The following CCDC192 variants were observed in gnomAD, a reference collection of about 807,000 sequenced individuals.
The protein encoded by CCDC192 is coiled-coil domain containing 192.
intron 5 of CCDC192, 128 bp from the exon 6 acceptor site, chr5:127,875,410 G>A (rs1752034726): frequency 2.6e-6 from 1 of 387,290 alleles, no homozygotes; most frequent in Admixed American, 4.5e-5. Context: ...ACTCAATCTA[G>A]ATAAACAGGG....
At chr5:127,883,915 G>A (rs951760052) in intron 6 of CCDC192, among the ~76,000 whole-genome samples, 3 of 152,136 alleles carry the variant, frequency 2.0e-5, no homozygotes, top group African/African-American at 7.2e-5. Context: ...CTGAACCGCG[G>A]GCTTTCTAGA....
Position 127,795,924 on chromosome 5 carries a change from G to C in CCDC192, c.223-1179G>C, listed in dbSNP as rs189149897. ...TTAAACACATGTTGGTGATCATGAG[G>C]AGCACCGCAGGTCTCCAAGGCCACC... is the stretch of plus-strand genomic sequence containing the variant. On this transcript the variant is annotated intron_variant, in intron 3 of 6. Transcript: ENST00000514853. Among the ~76,000 whole-genome samples, 5 of 152,266 alleles carry C rather than the reference G, an allele frequency of 3.3e-5. No individual in the cohort carries two copies. The East Asian group carries it at 7.7e-4, about 23-fold the overall frequency.
intron 3 of CCDC192, among the ~76,000 whole-genome samples, chr5:127,770,228 G>A (rs1561478525): frequency 6.6e-6 from 1 of 152,134 alleles, no homozygotes; most frequent in Non-Finnish European, 1.5e-5. Context: ...GACATTACAG[G>A]TGCAAGCCAC....
At chr5:127,902,438 A>T (rs1429203171) in intron 6 of CCDC192, among the ~76,000 whole-genome samples, 12 of 152,220 alleles carry the variant, frequency 7.9e-5, no homozygotes, top group Non-Finnish European at 1.3e-4. Flanking sequence ...GAACAAACAA[A>T]CAAAAAACCA....
At chr5:127,808,505 T>C (rs1421747) in intron 5 of CCDC192, among the ~76,000 whole-genome samples, 42,490 of 151,986 alleles carry the variant, frequency 0.28, 6,723 homozygotes, top group South Asian at 0.43. Flanking sequence ...TGGCTGCCCA[T>C]AGGTCTCCTG....
chr5:127,855,114 G>T (rs748862080), intron 5 of CCDC192, among the ~76,000 whole-genome samples: 5 of 152,138 alleles, frequency 3.3e-5, no homozygotes, highest in Non-Finnish European at 5.9e-5. Flanking sequence ...GGTGGTGGTG[G>T]TGGATGTTTG....
Position 127,748,026 on chromosome 5 carries a change from G to A in CCDC192, c.115-6242G>A, listed in dbSNP as rs1484705561. Among the ~76,000 whole-genome samples, 17 of 145,592 alleles carry A rather than the reference G, an allele frequency of 1.2e-4. No homozygotes were observed. In the East Asian group the frequency reaches 2.9e-3, roughly 25 times the overall value. On this transcript the variant is annotated intron_variant, in intron 2 of 6. Coordinates refer to ENST00000514853, the MANE Select transcript of CCDC192 (RefSeq NM_001317938.2). ...ATATTAGCCCTTTGTCAGATGAGTA[G>A]GTTGCAAAAATTTTCTCCCATTCTG...
chr5:127,937,159 A>AT (rs1313612810), intron 6 of CCDC192, among the ~76,000 whole-genome samples: 1 of 152,152 alleles, frequency 6.6e-6, no homozygotes, highest in Non-Finnish European at 1.5e-5. Flanking sequence ...TTGTATGAGA[A>AT]TTTTTTTAAT....
At position 127,840,133 on chromosome 5, in the gene CCDC192, A is replaced by C. The variant is rs187455114; in HGVS notation, c.412-35405A>C. 2.0e-5 allele frequency among the ~76,000 whole-genome samples: 3 copies of C among 152,304 alleles called. No homozygotes were observed. The East Asian group carries it at 5.8e-4, about 29-fold the overall frequency. On this transcript the variant is annotated intron_variant, in intron 5 of 6. Coordinates refer to ENST00000514853, the MANE Select transcript of CCDC192 (RefSeq NM_001317938.2). ...GAGGGTGGCTGTCATGAAAACCTGAAGCCAGAGTCCCCTACCCTTGCTGGC... is the reference window on the plus strand; with the variant it reads ...GAGGGTGGCTGTCATGAAAACCTGACGCCAGAGTCCCCTACCCTTGCTGGC...
intron 5 of CCDC192, among the ~76,000 whole-genome samples, chr5:127,869,089 G>A (rs961067982): frequency 1.5e-4 from 23 of 152,164 alleles, no homozygotes; most frequent in Admixed American, 3.3e-4. Flanking sequence ...TTGGGAGGCC[G>A]AGGCAGGTGG....
chr5:127,859,379 T>A (rs1009547350), intron 5 of CCDC192, among the ~76,000 whole-genome samples: 1 of 152,228 alleles, frequency 6.6e-6, no homozygotes, highest in African/African-American at 2.4e-5. Context: ...GTTCCCCTTC[T>A]GATTCTTATG....
chr5:127,825,149 A>G (rs1255423518), intron 5 of CCDC192, among the ~76,000 whole-genome samples: 2 of 152,234 alleles, frequency 1.3e-5, no homozygotes, highest in Non-Finnish European at 1.5e-5. Context: ...AATCACTTAG[A>G]AAAGGTTTGA....
chr5:127,719,198 T>G (rs546430633), intron 2 of CCDC192, among the ~76,000 whole-genome samples: 4 of 152,182 alleles, frequency 2.6e-5, no homozygotes, highest in African/African-American at 9.6e-5. Context: ...TGTCCTCCAA[T>G]TTCATCCATA....
At chr5:127,767,590 G>A (rs1398318897) in intron 3 of CCDC192, among the ~76,000 whole-genome samples, 1 of 152,082 alleles carries the variant, frequency 6.6e-6, no homozygotes, top group African/African-American at 2.4e-5. Flanking sequence ...CCGAGTCAAT[G>A]ATTGATCACC....
chr5:127,876,987 A>T (rs1320599666), intron 6 of CCDC192, among the ~76,000 whole-genome samples: 1 of 152,216 alleles, frequency 6.6e-6, no homozygotes, highest in African/African-American at 2.4e-5. Context: ...ACAGAATATT[A>T]TCCATTTAAA....
intron 6 of CCDC192, among the ~76,000 whole-genome samples, chr5:127,878,917 T>G (rs1049286458): frequency 3.3e-5 from 5 of 149,442 alleles, no homozygotes; most frequent in African/African-American, 1.2e-4. Context: ...GAAGAGGTCC[T>G]TCACATCCCT....
rs545806281 is a variant in CCDC192, at chr5:127,711,337, CTATTT to C, written c.114+3580_114+3584del. Among the ~76,000 whole-genome samples, 24 of 152,252 alleles carry C rather than the reference CTATTT, an allele frequency of 1.6e-4. 1 individual carries two copies. The South Asian group carries it at 3.5e-3, about 22-fold the overall frequency. On this transcript the variant is annotated intron_variant, in intron 2 of 6. Transcript: ENST00000514853. ...TAGTGATCACTTTATTAAAGAATCA[CTATTT>C]TAAGTGCCAAATATATGAAAGCACT... is the stretch of plus-strand genomic sequence containing the variant.
intron 2 of CCDC192, among the ~76,000 whole-genome samples, chr5:127,749,434 G>C (rs1451654672): frequency 6.6e-6 from 1 of 151,670 alleles, no homozygotes; most frequent in Non-Finnish European, 1.5e-5. Flanking sequence ...TGCGTATATT[G>C]AACCAGCCTT....
intron 2 of CCDC192, among the ~76,000 whole-genome samples, chr5:127,716,033 A>G (rs1229944418): frequency 2.0e-5 from 3 of 152,132 alleles, no homozygotes; most frequent in Non-Finnish European, 4.4e-5. Flanking sequence ...TTTGTCATAT[A>G]TGGTCTTTAT....
Sources: allele counts gnomAD v4.1 joint callset (sites outside exome capture counted in the v4.1 genomes callset), GRCh38; gene constraint gnomAD v4.1.1; transcripts MANE v1.5; gene names NCBI Gene and HGNC (gene_info 2026-07-23, HGNC 2026-07-21).